Variants in COG5 observed in about 807,000 individuals in gnomAD.
The protein encoded by COG5 is component of oligomeric golgi complex 5.
COG5 carries 86 observed loss-of-function variants against 110.4 expected under a neutral mutation model. That is an observed-to-expected ratio of 0.78 (90% CI 0.65 to 0.93). The LOEUF (loss-of-function observed/expected upper bound fraction) is 0.93. COG5 is among the 40% of genes least tolerant of loss of function. The probability of loss-of-function intolerance (pLI) is 0.00; values close to 1 mark genes in which losing one functional copy is unlikely to be tolerated. For synonymous variants in COG5, 360 were observed against 334.6 expected, an observed-to-expected ratio of 1.08 and a Z score of -0.83; for missense variants, 1,077 against 987.0, an observed-to-expected ratio of 1.09 and a Z score of -1.22.
intron 5 of COG5, among the ~76,000 whole-genome samples, chr7:107,545,684 G>T (rs1347308844): frequency 6.6e-6 from 1 of 151,188 alleles, no homozygotes; most frequent in African/African-American, 2.4e-5. Context: ...GGAGGCTGAG[G>T]CAGAAGAATG....
chr7:107,269,264 A>C (rs1382193929), intron 14 of COG5, among the ~76,000 whole-genome samples: 2 of 152,118 alleles, frequency 1.3e-5, no homozygotes, highest in African/African-American at 4.8e-5. Context: ...TCACGAGGTC[A>C]CAAGATTGAG....
chr7:107,357,316 T>C (rs1255197277), intron 10 of COG5, among the ~76,000 whole-genome samples: 1 of 152,160 alleles, frequency 6.6e-6, no homozygotes. Flanking sequence ...TTCCCAAGTA[T>C]GGAGAGGGAA....
intron 6 of COG5, among the ~76,000 whole-genome samples, chr7:107,421,799 G>A (rs575014668): frequency 6.6e-6 from 1 of 151,818 alleles, no homozygotes; most frequent in Admixed American, 6.6e-5. Context: ...TGATCATAAT[G>A]GAATCAAATT....
intron 6 of COG5, among the ~76,000 whole-genome samples, chr7:107,446,415 C>G (rs1269124056): frequency 1.3e-5 from 2 of 152,132 alleles, no homozygotes; most frequent in Non-Finnish European, 2.9e-5. Context: ...TCATCTTAGG[C>G]ACACATACTT....
chr7:107,492,544 T>C (rs1798037277), intron 6 of COG5, among the ~76,000 whole-genome samples: 1 of 152,124 alleles, frequency 6.6e-6, no homozygotes, highest in African/African-American at 2.4e-5. Context: ...GTCCTTATGG[T>C]TGTGGAACTG....
chr7:107,283,657 G>C lies in COG5; in HGVS notation c.1389C>G (p.Phe463Leu), dbSNP rs748974685. The C allele has an allele frequency of 2.5e-6, 4 of 1,613,514 alleles. No individual in the cohort carries two copies. Among genetic ancestry groups the C allele is most frequent in the Non-Finnish European group, 3.4e-6 (4 of 1,179,640 alleles). The change falls in exon 13 of 22, where the codon TTC (phenylalanine) becomes TTG (leucine). Residue 463 changes from phenylalanine to leucine, a missense_variant. Transcript: ENST00000297135. ...GGGGAAAAACCAAGTTGATAGGATC[G>C]AAGAGTCGAGATAAGGATTTTGATA... ...AYLSKSLSRLFDPINLVFPPG... is the reference protein window; with the variant it reads ...AYLSKSLSRLLDPINLVFPPG...
At chr7:107,309,799 T>C (rs547360101) in intron 11 of COG5, among the ~76,000 whole-genome samples, 6 of 151,920 alleles carry the variant, frequency 3.9e-5, no homozygotes, top group East Asian at 3.9e-4. Context: ...AAAATACTTA[T>C]ATGGCTTCAA....
At chr7:107,398,702 A>G (rs192427908) in intron 7 of COG5, among the ~76,000 whole-genome samples, 51 of 152,354 alleles carry the variant, frequency 3.3e-4, no homozygotes, top group African/African-American at 1.2e-3. Context: ...AGCTAGATAC[A>G]CAAGATTACC....
intron 14 of COG5, among the ~76,000 whole-genome samples, chr7:107,264,385 T>TTGTAAGAAATAC (rs1803622456): frequency 6.6e-6 from 1 of 151,142 alleles, no homozygotes; most frequent in South Asian, 2.1e-4. Context: ...GTAAGAAATA[T>TTGTAAGAAATAC]ATTGTAAAAA....
At chr7:107,528,123 G>C (rs543321716) in intron 5 of COG5, among the ~76,000 whole-genome samples, 1 of 149,188 alleles carries the variant, frequency 6.7e-6, no homozygotes, top group South Asian at 2.1e-4. Context: ...ACAGGGTCTC[G>C]CTCAGTTGCC....
intron 6 of COG5, among the ~76,000 whole-genome samples, chr7:107,430,306 A>G (rs1448038254): frequency 6.6e-6 from 1 of 152,226 alleles, no homozygotes; most frequent in African/African-American, 2.4e-5. Context: ...TTTTGCATGT[A>G]GACACTGGTT....
chr7:107,561,292 T>C (rs1009235757), intron 1 of COG5, among the ~76,000 whole-genome samples: 2 of 152,190 alleles, frequency 1.3e-5, no homozygotes, highest in African/African-American at 4.8e-5. Flanking sequence ...TACTCTGTCA[T>C]TGGCCAAATC....
intron 7 of COG5, among the ~76,000 whole-genome samples, chr7:107,380,478 G>C (rs1205174774): frequency 2.6e-5 from 4 of 152,066 alleles, no homozygotes; most frequent in African/African-American, 9.7e-5. Context: ...TGATAAAGGG[G>C]AGATCACCAC....
intron 12 of COG5, among the ~76,000 whole-genome samples, chr7:107,286,112 T>C (rs984978595): frequency 1.3e-5 from 2 of 152,050 alleles, no homozygotes; most frequent in Admixed American, 1.3e-4. Context: ...GCTAATTGTG[T>C]AGATTTTCAG....
At position 107,466,048 on chromosome 7, in the gene COG5, A is replaced by G. The variant is rs150545297; in HGVS notation, c.539-53416T>C. ...ACTTAAGAGTAAGAGAATTATGCAAAGAAAAAAAGGAAGCAAGAGAAAAGA... is the reference window on the plus strand; with the variant it reads ...ACTTAAGAGTAAGAGAATTATGCAAGGAAAAAAAGGAAGCAAGAGAAAAGA... On this transcript the variant is annotated intron_variant, in intron 6 of 21. Transcript: ENST00000297135. 1.0e-3 allele frequency among the ~76,000 whole-genome samples: 153 copies of G among 152,318 alleles called. 2 individuals carry two copies. In the East Asian group the frequency reaches 0.023, roughly 23 times the overall value.
chr7:107,309,856 G>C (rs1808065113), intron 11 of COG5, among the ~76,000 whole-genome samples: 1 of 151,978 alleles, frequency 6.6e-6, no homozygotes, highest in Non-Finnish European at 1.5e-5. Flanking sequence ...CAAAAGTCTA[G>C]CTTTTATCCC....
intron 6 of COG5, among the ~76,000 whole-genome samples, chr7:107,484,364 C>A (rs1797528479): frequency 1.3e-5 from 2 of 152,126 alleles, no homozygotes; most frequent in African/African-American, 4.8e-5. Flanking sequence ...CTTATGATTT[C>A]TTTTTAATTT....
intron 6 of COG5, among the ~76,000 whole-genome samples, chr7:107,448,755 A>AT (rs1309864039): frequency 2.6e-5 from 4 of 152,070 alleles, no homozygotes; most frequent in African/African-American, 4.8e-5. Context: ...ATATACACAG[A>AT]TTTTTTTCCC....
chr7:107,356,198 A>C (rs748849095), intron 10 of COG5, among the ~76,000 whole-genome samples: 1 of 152,230 alleles, frequency 6.6e-6, no homozygotes, highest in Non-Finnish European at 1.5e-5. Flanking sequence ...AGAAGAAATG[A>C]AATACAGAAA....
Sources: gnomAD v4.1 joint callset for allele counts (sites outside exome capture counted in the v4.1 genomes callset) on GRCh38, gnomAD v4.1.1 for gene constraint, MANE v1.5 for transcripts, NCBI Gene and HGNC (gene_info 2026-07-23, HGNC 2026-07-21) for gene names.